FBN1: variants seen among roughly 807,000 people sequenced by gnomAD.
FBN1 encodes fibrillin-1.
A neutral mutation model predicts 365.1 loss-of-function variants in FBN1; 29 were observed. The ratio of observed to expected loss-of-function variants is 0.08; its 90% CI spans 0.06 to 0.11. FBN1 has a LOEUF of 0.11. Among genes scored for constraint, FBN1 ranks in the 10% least tolerant of loss-of-function variants. The pLI is 1.00. For missense variants in FBN1, 2,476 were observed against 3,703.2 expected, an observed-to-expected ratio of 0.67 and a Z score of 8.60; for synonymous variants, 1,210 against 1,270.5, an observed-to-expected ratio of 0.95 and a Z score of 1.01.
chr15:48,518,286 T>C (rs2043821413), intron 10 of FBN1, among the ~76,000 whole-genome samples: 2 of 152,192 alleles, frequency 1.3e-5, no homozygotes, highest in Admixed American at 1.3e-4. Context: ...TTCCCACCAC[T>C]AAGACTGTGT....
chr15:48,609,620 C>T (rs1215367959), intron 4 of FBN1, among the ~76,000 whole-genome samples: 2 of 152,194 alleles, frequency 1.3e-5, no homozygotes, highest in African/African-American at 4.8e-5. Flanking sequence ...AGGCACTTAT[C>T]CAACCACTCT....
At chr15:48,576,639 A>G (rs971026463) in intron 6 of FBN1, among the ~76,000 whole-genome samples, 6 of 152,194 alleles carry the variant, frequency 3.9e-5, no homozygotes, top group Non-Finnish European at 8.8e-5. Context: ...AAATGACACC[A>G]TTGATGCACT....
intron 54 of FBN1, among the ~76,000 whole-genome samples, 168 bp downstream of exon 54, chr15:48,434,426 T>C (rs1234824011): frequency 1.3e-5 from 2 of 152,144 alleles, no homozygotes; most frequent in East Asian, 3.8e-4. Context: ...TATCTCTCTT[T>C]CCCTACAGAG....
At chr15:48,527,885 AG>A (rs1244099441) in intron 8 of FBN1, among the ~76,000 whole-genome samples, 1 of 152,270 alleles carries the variant, frequency 6.6e-6, no homozygotes, top group African/African-American at 2.4e-5. Context: ...AGTCTGTGAA[AG>A]GGTCAGGTAG....
intron 6 of FBN1, among the ~76,000 whole-genome samples, chr15:48,548,701 T>C (rs2044116801): frequency 6.6e-6 from 1 of 152,136 alleles, no homozygotes; most frequent in African/African-American, 2.4e-5. Flanking sequence ...TCGGAAAGTG[T>C]ATATGGTTAG....
At chr15:48,437,455 T>C (rs2043082456) in intron 51 of FBN1, 68 bp from the exon 52 acceptor site, 5 of 1,353,310 alleles carry the variant, frequency 3.7e-6, no homozygotes, top group Non-Finnish European at 4.2e-6. Context: ...CACAAGTATT[T>C]TGAGGTAGAA....
chr15:48,438,030 A>G, intron 50 of FBN1, 113 bp from the exon 51 acceptor site: 1 of 1,064,876 alleles, frequency 9.4e-7, no homozygotes, highest in Non-Finnish European at 1.5e-6. Flanking sequence ...TCAGGACCAC[A>G]GCAATACTCC....
In FBN1 at chr15:48,632,171, T is replaced by C. The variant is rs147782785; in HGVS notation, c.164+12435A>G. Among the ~76,000 whole-genome samples, 745 of 152,332 alleles carry C rather than the reference T, an allele frequency of 4.9e-3. 10 individuals carry two copies. Among genetic ancestry groups the C allele is most frequent in the African/African-American group, 0.017 (726 of 41,584 alleles). On this transcript the variant is annotated intron_variant, in intron 2 of 65. Coordinates refer to ENST00000316623, the MANE Select transcript of FBN1 (RefSeq NM_000138.5). ...AAGTATAACCAGATCTCCACAGATA[T>C]AGTAAGTCCATTAAAATTACACTTT...
chr15:48,433,356 T>TA (rs2043038714), intron 54 of FBN1, among the ~76,000 whole-genome samples: 1 of 152,128 alleles, frequency 6.6e-6, no homozygotes, highest in African/African-American at 2.4e-5. Flanking sequence ...TCCCAACAGT[T>TA]ACATGGCGTG....
Position 48,446,730 on chromosome 15 carries a change from G to C in FBN1, c.5764C>G (p.Leu1922Val). Residue 1922 changes from leucine (L) to valine (V), a missense_variant, in exon 47 of 66, where the codon CTT (leucine) becomes GTT (valine). Leu to Val is a conservative substitution (Grantham distance 32). Transcript: ENST00000316623. ...FNCRCNHGFI[L>V]SHNNDCIDVD... ...CCTATACAGTCATTGTTGTGAGAAA[G>C]GATGAAACCATGATTGCAGCGGCAG... 1 of 1,612,426 alleles carries C rather than the reference G, an allele frequency of 6.2e-7. No homozygotes were observed. Among genetic ancestry groups the C allele is most frequent in the South Asian group, 1.1e-5 (1 of 91,058 alleles).
chr15:48,627,601 G>A (rs1431253564), intron 2 of FBN1, among the ~76,000 whole-genome samples: 1 of 152,160 alleles, frequency 6.6e-6, no homozygotes, highest in African/African-American at 2.4e-5. Context: ...AAGACAATGA[G>A]CTGCTCGAAG....
Position 48,427,699 on chromosome 15 carries a change from C to A in FBN1, c.7072G>T (p.Val2358Phe). ...TCACAGCAGCATTCCGATTTGGTGA[C>A]GGGGTTCCTGTTGCTGGAGCCGATC... ...CQIGSSNRNP[V>F]TKSECCCDGG... Residue 2358 changes from valine (V) to phenylalanine (F), a missense_variant, in exon 58 of 66, where the codon GTC becomes TTC. This residue lies in a region of FBN1 where 1,780 missense variants were observed against 2,840.8 expected (regional missense o/e 0.63). Transcript: ENST00000316623. 1 of 1,614,088 alleles carries A rather than the reference C, an allele frequency of 6.2e-7. No homozygotes were observed. The highest frequency in any genetic ancestry group is 8.5e-7 in the Non-Finnish European group (1 of 1,179,986).
intron 25 of FBN1, among the ~76,000 whole-genome samples, chr15:48,489,200 ATTTTTTTTT>A (rs756179079): frequency 3.8e-3 from 186 of 48,468 alleles, no homozygotes; most frequent in African/African-American, 0.014. Flanking sequence ...ATGCCTAGAT[ATTTTTTTTT>A]TTTTTTTTTT....
intron 35 of FBN1, among the ~76,000 whole-genome samples, chr15:48,471,820 A>G (rs769612851): frequency 1.3e-5 from 2 of 152,246 alleles, no homozygotes; most frequent in Non-Finnish European, 2.9e-5. Flanking sequence ...ATGAAGGAGA[A>G]TGTGCTTAAA....
intron 10 of FBN1, among the ~76,000 whole-genome samples, chr15:48,518,707 T>A (rs2043825803): frequency 1.3e-5 from 2 of 152,224 alleles, no homozygotes; most frequent in African/African-American, 4.8e-5. Flanking sequence ...CTGATGTCCA[T>A]CTTTCCTATC....
intron 6 of FBN1, among the ~76,000 whole-genome samples, chr15:48,592,863 T>C (rs1004994509): frequency 6.6e-6 from 1 of 152,162 alleles, no homozygotes; most frequent in African/African-American, 2.4e-5. Context: ...GGTATTCCTA[T>C]TCAGCTTTTA....
chr15:48,430,918 T>A, intron 55 of FBN1, 116 bp from the exon 56 acceptor site: 1 of 926,968 alleles, frequency 1.1e-6, no homozygotes, highest in African/African-American at 1.6e-5. Context: ...GTTATTTCAC[T>A]ACTGGCTGTA....
intron 6 of FBN1, among the ~76,000 whole-genome samples, chr15:48,589,968 C>T (rs923818424): frequency 1.3e-5 from 2 of 152,110 alleles, no homozygotes; most frequent in Non-Finnish European, 2.9e-5. Context: ...TCATAGAGGC[C>T]TTCAGTGTAG....
chr15:48,434,385 G>A (rs1182717287), intron 54 of FBN1, among the ~76,000 whole-genome samples: 3 of 150,394 alleles, frequency 2.0e-5, no homozygotes. Flanking sequence ...GTGTAGATGT[G>A]CCATGAACAC....
Sources: gnomAD v4.1 joint callset for allele counts (sites outside exome capture counted in the v4.1 genomes callset) on GRCh38, gnomAD v4.1.1 for gene constraint, gnomAD v4.1.1 regional missense constraint, MANE v1.5 for transcripts, NCBI Gene and HGNC (gene_info 2026-07-23, HGNC 2026-07-21) for gene names.